The following LIMCH1 variants were observed in gnomAD, a reference collection of about 807,000 sequenced individuals.
LIMCH1 encodes the protein LIM and calponin homology domains-containing protein 1.
A neutral mutation model predicts 176.5 loss-of-function variants in LIMCH1; 113 were observed. That is an observed-to-expected ratio of 0.64 (90% CI 0.55 to 0.75). The LOEUF (loss-of-function observed/expected upper bound fraction) is 0.75. Among genes scored for constraint, LIMCH1 ranks in the 30% least tolerant of loss-of-function variants. The pLI is 0.00. For missense variants in LIMCH1, 1,674 were observed against 1,814.9 expected, an observed-to-expected ratio of 0.92 and a Z score of 1.41; for synonymous variants, 619 against 645.9, an observed-to-expected ratio of 0.96 and a Z score of 0.63.
chr4:41,429,067 A>T (rs1231765305), intron 1 of LIMCH1, among the ~76,000 whole-genome samples: 1 of 152,236 alleles, frequency 6.6e-6, no homozygotes, highest in African/African-American at 2.4e-5. Flanking sequence ...CGTAAATAGC[A>T]GGTGCAAATC....
At chr4:41,528,652 G>C (rs2076935759) in intron 3 of LIMCH1, among the ~76,000 whole-genome samples, 1 of 152,152 alleles carries the variant, frequency 6.6e-6, no homozygotes, top group African/African-American at 2.4e-5. Flanking sequence ...AGTAGCAGGG[G>C]CCATAGAGAT....
chr4:41,395,658 G>A (rs1054552105), intron 1 of LIMCH1, among the ~76,000 whole-genome samples: 4 of 152,020 alleles, frequency 2.6e-5, no homozygotes, highest in African/African-American at 4.8e-5. Flanking sequence ...CTGCTCTTAG[G>A]TCTGGGCATA....
chr4:41,686,796 A>G (rs571371900), intron 28 of LIMCH1, among the ~76,000 whole-genome samples: 2 of 152,232 alleles, frequency 1.3e-5, no homozygotes, highest in South Asian at 2.1e-4. Context: ...TTCTTGTTAC[A>G]TTTTCCTTTT....
chr4:41,418,332 C>T (rs73232195), intron 1 of LIMCH1, among the ~76,000 whole-genome samples: 9,136 of 152,254 alleles, frequency 0.06, 380 homozygotes, highest in Middle Eastern at 0.12. Flanking sequence ...ATTACATCTG[C>T]GTTTTTCTCC....
intron 4 of LIMCH1, among the ~76,000 whole-genome samples, chr4:41,611,891 G>A (rs2091459670): frequency 6.6e-6 from 1 of 152,198 alleles, no homozygotes; most frequent in South Asian, 2.1e-4. Context: ...TTTTCAGTGA[G>A]TCATGAGTTC....
chr4:41,414,955 C>G lies in LIMCH1; in HGVS notation c.96+54019C>G, dbSNP rs576785209. ...TAGTTTGAGTCCAGGTCTTTCTTGC[C>G]GCTTATTAGATGTTTAATCTCTCTT... On this transcript the variant is annotated intron_variant, in intron 1 of 26. Transcript: ENST00000313860. Among the ~76,000 whole-genome samples the G allele has an allele frequency of 4.6e-5, 7 of 152,016 alleles. 1 individual carries two copies. The highest frequency in any genetic ancestry group is 4.6e-4 in the Admixed American group (7 of 15,260).
intron 1 of LIMCH1, among the ~76,000 whole-genome samples, chr4:41,572,506 G>A (rs1057317537): frequency 6.6e-6 from 1 of 152,114 alleles, no homozygotes; most frequent in African/African-American, 2.4e-5. Context: ...TGACAGTGAA[G>A]TAAATAAAAA....
intron 25 of LIMCH1, among the ~76,000 whole-genome samples, chr4:41,681,838 A>G (rs957337103): frequency 1.3e-5 from 2 of 152,194 alleles, no homozygotes; most frequent in African/African-American, 4.8e-5. Flanking sequence ...CTAAATAAAT[A>G]AATAAAATGA....
intron 1 of LIMCH1, among the ~76,000 whole-genome samples, chr4:41,430,688 A>G (rs2061527399): frequency 6.6e-6 from 1 of 152,268 alleles, no homozygotes; most frequent in African/African-American, 2.4e-5. Context: ...AATATGATGA[A>G]GAAAAATTGG....
intron 1 of LIMCH1, among the ~76,000 whole-genome samples, chr4:41,567,879 G>A (rs1584235400): frequency 1.3e-5 from 2 of 152,190 alleles, no homozygotes; most frequent in African/African-American, 4.8e-5. Context: ...TATAGGCCGG[G>A]CGTGGTGGCT....
chr4:41,450,499 G>A (rs779602350), intron 1 of LIMCH1, among the ~76,000 whole-genome samples: 20 of 152,010 alleles, frequency 1.3e-4, no homozygotes, highest in African/African-American at 3.6e-4. Context: ...ATTTAGCAAC[G>A]TAAAAGTTGT....
rs1008250330 is a variant in LIMCH1, at chr4:41,687,855, G to A, written c.4104G>A (p.Glu1368=). 2.5e-6 allele frequency: 4 copies of A among 1,613,232 alleles called. No homozygotes were observed. The highest frequency in any genetic ancestry group is 3.4e-6 in the Non-Finnish European group (4 of 1,179,486). The change falls in exon 29 of 32, where the codon GAG becomes GAA. Residue 1368 remains glutamate, a synonymous_variant. Coordinates refer to ENST00000503057, the MANE Select transcript of LIMCH1 (RefSeq NM_001330672.2). ...CACATTACAGGAAAAGTCCCCGAGAGCACTTCCAGGCTGGGCCTTTCTCTC... is the reference window on the plus strand; with the variant it reads ...CACATTACAGGAAAAGTCCCCGAGAACACTTCCAGGCTGGGCCTTTCTCTC... ...PSERRKKSPR[E]HFQAGPFSPC... is the part of the protein sequence containing the mutation.
intron 20 of LIMCH1, among the ~76,000 whole-genome samples, 186 bp downstream of exon 20, chr4:41,663,170 T>TGTGTGTGA (rs2094691697): frequency 7.0e-6 from 1 of 143,852 alleles, no homozygotes; most frequent in African/African-American, 2.6e-5. Flanking sequence ...TGTGTGTGTG[T>TGTGTGTGA]GTGATGGAGT....
At chr4:41,547,990 T>C (rs1031407441) in intron 1 of LIMCH1, among the ~76,000 whole-genome samples, 1 of 150,396 alleles carries the variant, frequency 6.6e-6, no homozygotes, top group Non-Finnish European at 1.5e-5. Context: ...TTCATATTTT[T>C]CCCTAAACCT....
intron 18 of LIMCH1, among the ~76,000 whole-genome samples, chr4:41,654,966 T>C (rs780847338): frequency 5.9e-5 from 9 of 152,200 alleles, no homozygotes; most frequent in Non-Finnish European, 1.2e-4. Context: ...AAGAAAATCA[T>C]GTTATAGCAC....
chr4:41,420,180 CGT>C (rs1395796485), intron 1 of LIMCH1, among the ~76,000 whole-genome samples: 2 of 151,974 alleles, frequency 1.3e-5, no homozygotes, highest in African/African-American at 4.8e-5. Flanking sequence ...TTCCATTTTC[CGT>C]GTGTCAGTGG....
intron 1 of LIMCH1, among the ~76,000 whole-genome samples, chr4:41,547,582 A>G (rs112336122): frequency 6.7e-6 from 1 of 149,232 alleles, no homozygotes. Flanking sequence ...ATAAGACCAT[A>G]GTAAGGATTA....
chr4:41,527,831 A>AAG (rs2076836172), intron 3 of LIMCH1, among the ~76,000 whole-genome samples: 1 of 150,506 alleles, frequency 6.6e-6, no homozygotes, highest in Non-Finnish European at 1.5e-5. Context: ...TCAAAAAAAA[A>AAG]AAAAAAAAAA....
chr4:41,363,938 A>G (rs2052557362), intron 1 of LIMCH1, among the ~76,000 whole-genome samples: 1 of 152,148 alleles, frequency 6.6e-6, no homozygotes, highest in South Asian at 2.1e-4. Flanking sequence ...TTCTTTCCAT[A>G]CTACTTTTCT....
Sources: allele counts gnomAD v4.1 joint callset (sites outside exome capture counted in the v4.1 genomes callset), GRCh38; gene constraint gnomAD v4.1.1; transcripts MANE v1.5; gene names NCBI Gene and HGNC (gene_info 2026-07-23, HGNC 2026-07-21).